The following EPM2A variants were observed in gnomAD, a reference collection of about 807,000 sequenced individuals.
The protein encoded by EPM2A is EPM2A glucan phosphatase, laforin, also known as laforin.
Under a neutral mutation model 26.5 loss-of-function variants are expected in EPM2A, and 21 were observed. That is an observed-to-expected ratio of 0.79 (90% CI 0.56 to 1.14). The LOEUF (loss-of-function observed/expected upper bound fraction) is 1.14. Among genes scored for constraint, EPM2A ranks in the 50% most tolerant of loss-of-function variants. The pLI, the probability that EPM2A is intolerant of heterozygous loss-of-function variation, is 0.00. For missense variants in EPM2A, 458 were observed against 440.8 expected (o/e 1.04, Z -0.35); for synonymous variants, 217 against 177.6 (o/e 1.22, Z -1.76).
chr6:145,434,379 T>A lies in EPM2A; in HGVS notation c.556-50282A>T, dbSNP rs183926254. Among the ~76,000 whole-genome samples the A allele has an allele frequency of 1.6e-4, 24 of 152,204 alleles. No homozygotes were observed. The East Asian group carries it at 4.6e-3, about 29-fold the overall frequency. On this transcript the variant is annotated intron_variant, in intron 4 of 4. Transcript: ENST00000638717. Reference sequence around the variant, plus strand: ...CCTGGGCTCAGGTGATCCCCCTACCTTAGCCTCTACTCTGTCTAATCTGTT... The same window carrying A: ...CCTGGGCTCAGGTGATCCCCCTACCATAGCCTCTACTCTGTCTAATCTGTT...
chr6:145,630,750 T>TTG, intron 3 of EPM2A: 1 of 152,378 alleles, frequency 6.6e-6, no homozygotes, highest in African/African-American at 2.4e-5. Flanking sequence ...ATAACATTTA[T>TTG]TGAGCCCTTT....
intron 4 of EPM2A, among the ~76,000 whole-genome samples, chr6:145,441,732 C>T (rs6901607): frequency 0.61 from 93,173 of 151,842 alleles, 30,944 homozygotes; most frequent in East Asian, 0.8. Context: ...CATGGTGGTG[C>T]ATGCCTGTAG....
At chr6:145,490,852 T>G (rs889206645) in intron 4 of EPM2A, 9 of 657,006 alleles carry the variant, frequency 1.4e-5, no homozygotes, top group Non-Finnish European at 2.2e-5. Context: ...TAATCTGCCC[T>G]TTTCTGTCAC....
chr6:145,392,736 G>C (rs1249204042), intron 4 of EPM2A, among the ~76,000 whole-genome samples: 1 of 151,982 alleles, frequency 6.6e-6, no homozygotes, highest in Non-Finnish European at 1.5e-5. Context: ...TATCAACCAG[G>C]CCTTCTCAGT....
intron 4 of EPM2A, among the ~76,000 whole-genome samples, chr6:145,477,386 C>CA (rs1309923312): frequency 6.6e-6 from 1 of 151,556 alleles, no homozygotes; most frequent in Non-Finnish European, 1.5e-5. Flanking sequence ...CAAAATATTC[C>CA]AAAAAATTGA....
chr6:145,725,658 C>T (rs1776167527), intron 1 of EPM2A, among the ~76,000 whole-genome samples: 1 of 151,918 alleles, frequency 6.6e-6, no homozygotes. Flanking sequence ...TGACACAAGC[C>T]AGTCTGAAAA....
intron 2 of EPM2A, among the ~76,000 whole-genome samples, chr6:145,663,266 C>T (rs147118337): frequency 1.6e-3 from 236 of 152,162 alleles, no homozygotes; most frequent in African/African-American, 5.3e-3. Context: ...CTAAGATGGC[C>T]GAATAGGAAC....
chr6:145,562,800 CTT>C (rs1562383417), intron 2 of EPM2A, among the ~76,000 whole-genome samples: 1 of 151,854 alleles, frequency 6.6e-6, no homozygotes, highest in Non-Finnish European at 1.5e-5. Flanking sequence ...TGTTAAAAGA[CTT>C]TTTTGAAGAC....
intron 4 of EPM2A, among the ~76,000 whole-genome samples, chr6:145,441,277 C>T (rs370425387): frequency 4.9e-4 from 75 of 152,338 alleles, no homozygotes; most frequent in African/African-American, 1.8e-3. Flanking sequence ...GCAGCTGGGA[C>T]ACAGGGCACC....
At chr6:145,654,398 G>A (rs1003235566) in intron 2 of EPM2A, among the ~76,000 whole-genome samples, 1 of 152,020 alleles carries the variant, frequency 6.6e-6, no homozygotes, top group Non-Finnish European at 1.5e-5. Flanking sequence ...TCAGGCTGGT[G>A]TAATCATAAT....
Position 145,627,514 on chromosome 6 carries a change from T to G in EPM2A, c.898A>C (p.Arg300=), listed in dbSNP as rs780627770. The G allele has an allele frequency of 1.9e-6, 3 of 1,614,266 alleles. No homozygotes were observed. Among genetic ancestry groups the G allele is most frequent in the South Asian group, 2.2e-5 (2 of 91,090 alleles). Residue 300 remains arginine (R), a synonymous_variant, in exon 4 of 4, where the codon AGG becomes CGG. Transcript: ENST00000367519. ...RKVQYFLMAK[R]PAVYIDEEAL... ...TCTTCGTCAATGTAGACAGCCGGCC[T>G]CTTGGCCATGAGGAAATACTGCACC... is the stretch of plus-strand genomic sequence containing the variant.
intron 2 of EPM2A, among the ~76,000 whole-genome samples, chr6:145,521,537 C>A (rs369695944): frequency 6.8e-4 from 103 of 152,188 alleles, no homozygotes; most frequent in African/African-American, 2.3e-3. Flanking sequence ...TTAACTAGGG[C>A]TATTGCTTTA....
chr6:145,451,185 C>G (rs1216238352), intron 4 of EPM2A, among the ~76,000 whole-genome samples: 1 of 152,160 alleles, frequency 6.6e-6, no homozygotes, highest in Admixed American at 6.5e-5. Context: ...AAATACTTAC[C>G]TGATGAAATC....
chr6:145,468,954 T>C (rs1339396883), intron 4 of EPM2A, among the ~76,000 whole-genome samples: 1 of 152,094 alleles, frequency 6.6e-6, no homozygotes, highest in East Asian at 1.9e-4. Flanking sequence ...AATAAACTAA[T>C]AATCTGATTT....
At chr6:145,718,140 A>T (rs1017141708) in intron 1 of EPM2A, among the ~76,000 whole-genome samples, 15 of 152,098 alleles carry the variant, frequency 9.9e-5, no homozygotes, top group Non-Finnish European at 2.1e-4. Flanking sequence ...TATGGAACCA[A>T]AAAAGAGCCT....
chr6:145,667,944 C>T (rs893129012), intron 2 of EPM2A, among the ~76,000 whole-genome samples: 2 of 148,432 alleles, frequency 1.3e-5, no homozygotes, highest in African/African-American at 5.0e-5. Flanking sequence ...TATTCTCACT[C>T]ATAGGTGGGA....
chr6:145,478,358 C>T (rs1779567356), intron 4 of EPM2A, among the ~76,000 whole-genome samples: 1 of 151,886 alleles, frequency 6.6e-6, no homozygotes, highest in Non-Finnish European at 1.5e-5. Flanking sequence ...CTATCCAACA[C>T]AATCTACAGA....
intron 2 of EPM2A, among the ~76,000 whole-genome samples, chr6:145,530,145 G>A (rs1780334074): frequency 1.3e-5 from 2 of 152,124 alleles, no homozygotes; most frequent in Non-Finnish European, 2.9e-5. Context: ...TACAGTAGCT[G>A]AGGATATCAG....
chr6:145,540,931 T>C (rs1562375606), intron 2 of EPM2A, among the ~76,000 whole-genome samples: 1 of 152,144 alleles, frequency 6.6e-6, no homozygotes, highest in African/African-American at 2.4e-5. Flanking sequence ...ACAAAATGAA[T>C]GAGTAATTCA....
Sources: gnomAD v4.1 joint callset for allele counts (sites outside exome capture counted in the v4.1 genomes callset) on GRCh38, gnomAD v4.1.1 for gene constraint, MANE v1.5 for transcripts, NCBI Gene and HGNC (gene_info 2026-07-23, HGNC 2026-07-21) for gene names.